The following ADAMTSL3 variants were observed in gnomAD, a reference collection of about 807,000 sequenced individuals.
The protein encoded by ADAMTSL3 is ADAMTS-like protein 3.
In ADAMTSL3, 128 loss-of-function variants were observed where a neutral mutation model predicts 201.7. The observed-to-expected ratio is 0.63, with a 90% CI of 0.55 to 0.73. The LOEUF (loss-of-function observed/expected upper bound fraction) is 0.73. Ranked by LOEUF, ADAMTSL3 falls within the 30% of genes least tolerant of loss-of-function variation. The pLI, the probability that ADAMTSL3 is intolerant of heterozygous loss-of-function variation, is 0.00. For synonymous variants in ADAMTSL3, 738 were observed against 748.4 expected (o/e 0.99, Z 0.23); for missense variants, 1,990 against 2,119.6 (o/e 0.94, Z 1.20).
chr15:83,898,053 C>G, intron 14 of ADAMTSL3, 48 bp downstream of exon 14: 1 of 1,538,142 alleles, frequency 6.5e-7, no homozygotes, highest in South Asian at 1.2e-5. Flanking sequence ...TATTTTCCAG[C>G]TCCCATTCCA....
chr15:83,994,716 C>T (rs1465831672), intron 23 of ADAMTSL3, among the ~76,000 whole-genome samples: 2 of 149,456 alleles, frequency 1.3e-5, no homozygotes, highest in Non-Finnish European at 3.0e-5. Flanking sequence ...CCTACCTCAG[C>T]CTCCCAAATA....
intron 7 of ADAMTSL3, among the ~76,000 whole-genome samples, chr15:83,857,987 A>T (rs907443648): frequency 2.6e-5 from 4 of 152,254 alleles, no homozygotes; most frequent in African/African-American, 9.6e-5. Flanking sequence ...CAGTGTATGT[A>T]GCAGTGTGAA....
chr15:83,848,582 G>A (rs1347601061), intron 7 of ADAMTSL3, among the ~76,000 whole-genome samples: 1 of 152,210 alleles, frequency 6.6e-6, no homozygotes, highest in Non-Finnish European at 1.5e-5. Context: ...GAAACTCTGT[G>A]TGATGAGTGA....
intron 15 of ADAMTSL3, among the ~76,000 whole-genome samples, chr15:83,905,139 C>T (rs759022201): frequency 4.6e-5 from 7 of 152,164 alleles, no homozygotes; most frequent in Non-Finnish European, 8.8e-5. Context: ...GATTCTATGG[C>T]ACGTAAGACT....
At chr15:83,863,906 T>C (rs574928521) in intron 8 of ADAMTSL3, among the ~76,000 whole-genome samples, 2 of 151,878 alleles carry the variant, frequency 1.3e-5, no homozygotes, top group South Asian at 2.1e-4. Flanking sequence ...ATCAAATAGA[T>C]GCAATAAAAA....
intron 27 of ADAMTSL3, among the ~76,000 whole-genome samples, chr15:84,027,831 A>G (rs1379139722): frequency 2.0e-5 from 3 of 152,072 alleles, no homozygotes; most frequent in African/African-American, 7.3e-5. Flanking sequence ...AAATAACAAC[A>G]CCCCATAATA....
rs2098903 is a variant in ADAMTSL3, at chr15:83,702,489, C to T, written c.70-1900C>T. ...GGCCCAAGAGGAAAAAGTGGTTTTG[C>T]GGGCTGGGCCCTGGGTCCCTTGGCT... On this transcript the variant is annotated intron_variant, in intron 2 of 29. Coordinates refer to ENST00000286744, the MANE Select transcript of ADAMTSL3 (RefSeq NM_207517.3). Among the ~76,000 whole-genome samples, 1,288 of 152,264 alleles carry T rather than the reference C, an allele frequency of 8.5e-3. 16 individuals carry two copies. The highest frequency in any genetic ancestry group is 0.029 in the African/African-American group (1,204 of 41,552).
chr15:83,983,340 G>A lies in ADAMTSL3; in HGVS notation c.3712G>A (p.Val1238Ile). The change falls in exon 21 of 30, where the codon GTA becomes ATA. Residue 1238 changes from valine (V) to isoleucine (I), a missense_variant. Physicochemically the swap from Val to Ile is conservative, Grantham distance 29. Coordinates refer to ENST00000286744, the MANE Select transcript of ADAMTSL3 (RefSeq NM_207517.3). ...GGATGGAACCTTGTTACAGCCCTCA[G>A]TAAAGTAAGTAAAATAAAAATGCAG... Reference protein sequence around the residue: ...TKDGTLLQPSVKIILDGTGKI... With the variant: ...TKDGTLLQPSIKIILDGTGKI... 6.8e-7 allele frequency: 1 copy of A among 1,478,066 alleles called. No individual in the cohort carries two copies. The allele number at this position is 1,478,066 out of a possible 1,614,324, so 91.6% of individuals were successfully genotyped here.
intron 4 of ADAMTSL3, among the ~76,000 whole-genome samples, chr15:83,793,508 G>A (rs2063376335): frequency 1.3e-5 from 2 of 151,578 alleles, no homozygotes; most frequent in Non-Finnish European, 2.9e-5. Flanking sequence ...ATGAAGTCTC[G>A]CTTTGTTGCC....
chr15:83,684,246 A>C (rs2061510235), intron 2 of ADAMTSL3, among the ~76,000 whole-genome samples: 1 of 152,218 alleles, frequency 6.6e-6, no homozygotes. Flanking sequence ...CCAGTTTGCA[A>C]AATAAAACTT....
chr15:83,922,222 T>C (rs182264646), intron 16 of ADAMTSL3, among the ~76,000 whole-genome samples: 3 of 152,274 alleles, frequency 2.0e-5, no homozygotes, highest in Admixed American at 6.5e-5. Context: ...GGGAGATATT[T>C]TGTGGCCATT....
chr15:83,759,326 C>T lies in ADAMTSL3; in HGVS notation c.190-14197C>T, dbSNP rs577539278. On this transcript the variant is annotated intron_variant, in intron 3 of 29. Coordinates refer to ENST00000286744, the MANE Select transcript of ADAMTSL3 (RefSeq NM_207517.3). ...CTGCAAGCTCTGCTTCCCGGGTTCA[C>T]GCCATTCTCCTGCCTCAGCCTCCCG... 4.5e-3 allele frequency among the ~76,000 whole-genome samples: 681 copies of T among 151,842 alleles called. 3 individuals carry two copies. Among genetic ancestry groups the T allele is most frequent in the Middle Eastern group, 0.01 (3 of 292 alleles).
rs1274745797 is a variant in ADAMTSL3, at chr15:83,654,482, C to G, written c.-34+206C>G. On this transcript the variant is annotated intron_variant, in intron 1 of 29. Transcript: ENST00000286744. This position sits in a 1 kb window ranked among gnomAD's most constrained non-coding sequence, Gnocchi z 5.3. Reference sequence around the variant, plus strand: ...ACCTCGGGTCGGGCGCGCTTCGTGCCGTCCCGGAAGGTTCAGGGAGAGTCT... The same window carrying G: ...ACCTCGGGTCGGGCGCGCTTCGTGCGGTCCCGGAAGGTTCAGGGAGAGTCT... Among the ~76,000 whole-genome samples, 1 of 152,060 alleles carries G rather than the reference C, an allele frequency of 6.6e-6. No homozygotes were observed. The highest frequency in any genetic ancestry group is 1.5e-5 in the Non-Finnish European group (1 of 68,004).
chr15:84,007,857 T>C (rs1396852560), intron 23 of ADAMTSL3, among the ~76,000 whole-genome samples: 1 of 152,136 alleles, frequency 6.6e-6, no homozygotes, highest in African/African-American at 2.4e-5. Context: ...GTATTCCAGG[T>C]GAGCAAAGCC....
intron 26 of ADAMTSL3, among the ~76,000 whole-genome samples, chr15:84,024,492 A>G (rs1270690649): frequency 6.6e-6 from 1 of 152,248 alleles, no homozygotes; most frequent in Non-Finnish European, 1.5e-5. Context: ...AGGAAATATT[A>G]AATTTCAGTT....
chr15:83,846,322 G>T (rs1042892986), intron 7 of ADAMTSL3, among the ~76,000 whole-genome samples: 2 of 152,158 alleles, frequency 1.3e-5, no homozygotes, highest in African/African-American at 4.8e-5. Flanking sequence ...GGAGAAATAG[G>T]CTCAGTGAAA....
At chr15:83,655,889 C>G in intron 2 of ADAMTSL3, 59 bp downstream of exon 2, 1 of 1,518,176 alleles carries the variant, frequency 6.6e-7, no homozygotes, top group Non-Finnish European at 9.1e-7. Flanking sequence ...TACTCAGAGG[C>G]ATTATTGTAT....
At chr15:83,724,548 TTCAG>T (rs2062145813) in intron 3 of ADAMTSL3, among the ~76,000 whole-genome samples, 1 of 152,160 alleles carries the variant, frequency 6.6e-6, no homozygotes, top group African/African-American at 2.4e-5. Context: ...TTTCTTTGTG[TTCAG>T]TCAAATTATA....
At chr15:83,664,410 G>A (rs1295202217) in intron 2 of ADAMTSL3, among the ~76,000 whole-genome samples, 1 of 152,086 alleles carries the variant, frequency 6.6e-6, no homozygotes, top group Non-Finnish European at 1.5e-5. Context: ...CCTTGGTGGT[G>A]TCAAGCACAA....
Sources: gnomAD v4.1 joint callset for allele counts (sites outside exome capture counted in the v4.1 genomes callset) on GRCh38, gnomAD v4.1.1 for gene constraint, Gnocchi (gnomAD v3.1) non-coding constraint, MANE v1.5 for transcripts, NCBI Gene and HGNC (gene_info 2026-07-23, HGNC 2026-07-21) for gene names.